EFCAB11: variants seen among roughly 807,000 people sequenced by gnomAD.
The protein encoded by EFCAB11 is EF-hand calcium binding domain 11, also known as EF-hand calcium-binding domain-containing protein 11.
In EFCAB11, 14 loss-of-function variants were observed where a neutral mutation model predicts 23.0. The observed-to-expected ratio is 0.61, with a 90% CI of 0.40 to 0.95. EFCAB11 has a LOEUF of 0.95. Among genes scored for constraint, EFCAB11 ranks in the 40% least tolerant of loss-of-function variants. The pLI is 0.00. For synonymous variants in EFCAB11, 65 were observed against 66.6 expected (o/e 0.98, Z 0.11); for missense variants, 198 against 195.8 (o/e 1.01, Z -0.07).
intron 5 of EFCAB11, among the ~76,000 whole-genome samples, chr14:89,837,718 A>C (rs1323337703): frequency 6.6e-6 from 1 of 152,154 alleles, no homozygotes; most frequent in Non-Finnish European, 1.5e-5. Flanking sequence ...GACGTGTAAG[A>C]CTATGGCCAT....
chr14:89,904,072 C>T (rs2140206575), intron 5 of EFCAB11, among the ~76,000 whole-genome samples: 1 of 152,050 alleles, frequency 6.6e-6, no homozygotes, highest in South Asian at 2.1e-4. Flanking sequence ...TGGTTTGCTG[C>T]ACCCATCAAC....
At chr14:89,909,864 C>G (rs28405824) in intron 5 of EFCAB11, among the ~76,000 whole-genome samples, 5,215 of 152,308 alleles carry the variant, frequency 0.034, 304 homozygotes, top group African/African-American at 0.12. Flanking sequence ...CTCCCTCCTT[C>G]CCTGGCTAAG....
At chr14:89,948,663 A>C (rs916535286) in intron 3 of EFCAB11, among the ~76,000 whole-genome samples, 1 of 152,260 alleles carries the variant, frequency 6.6e-6, no homozygotes, top group Non-Finnish European at 1.5e-5. Flanking sequence ...GCAATAAAAA[A>C]GAATGAGATC....
At chr14:89,820,550 C>T (rs1566771205) in intron 5 of EFCAB11, among the ~76,000 whole-genome samples, 1 of 151,726 alleles carries the variant, frequency 6.6e-6, no homozygotes, top group African/African-American at 2.4e-5. Flanking sequence ...TCTAGACAGG[C>T]GACATCACAT....
chr14:89,905,564 G>T (rs533965331), intron 5 of EFCAB11, among the ~76,000 whole-genome samples: 1 of 152,332 alleles, frequency 6.6e-6, no homozygotes, highest in African/African-American at 2.4e-5. Flanking sequence ...GGAAGGGACA[G>T]GGCTCACGGA....
intron 5 of EFCAB11, among the ~76,000 whole-genome samples, chr14:89,869,697 T>C (rs1009852959): frequency 5.3e-5 from 8 of 152,152 alleles, no homozygotes; most frequent in African/African-American, 1.9e-4. Context: ...TGGGTTGCTG[T>C]GAAGAGTAAA....
At chr14:89,867,119 T>C (rs1056184659) in intron 5 of EFCAB11, among the ~76,000 whole-genome samples, 1 of 152,206 alleles carries the variant, frequency 6.6e-6, no homozygotes, top group Non-Finnish European at 1.5e-5. Flanking sequence ...CCTGACTAGA[T>C]TATAAACTGA....
intron 5 of EFCAB11, among the ~76,000 whole-genome samples, chr14:89,842,507 G>A (rs1887298728): frequency 3.3e-5 from 5 of 152,136 alleles, no homozygotes; most frequent in Non-Finnish European, 5.9e-5. Flanking sequence ...CCCAGGAGGC[G>A]GAGGCTGCAG....
chr14:89,911,022 CT>C (rs1326111169), intron 5 of EFCAB11, among the ~76,000 whole-genome samples: 1 of 152,182 alleles, frequency 6.6e-6, no homozygotes, highest in Non-Finnish European at 1.5e-5. Flanking sequence ...AGTACACACA[CT>C]ATGGATCAGG....
At chr14:89,937,765 C>T (rs1890639395) in intron 3 of EFCAB11, among the ~76,000 whole-genome samples, 1 of 152,122 alleles carries the variant, frequency 6.6e-6, no homozygotes, top group South Asian at 2.1e-4. Flanking sequence ...ACTTTGTGAT[C>T]CGTCTGCCTC....
chr14:89,886,132 C>A (rs1334369057), intron 5 of EFCAB11, among the ~76,000 whole-genome samples: 1 of 152,104 alleles, frequency 6.6e-6, no homozygotes, highest in African/African-American at 2.4e-5. Flanking sequence ...CTGAAGGCAG[C>A]CTGTGGGCAG....
chr14:89,831,875 T>C (rs572275084), intron 5 of EFCAB11, among the ~76,000 whole-genome samples: 4 of 152,334 alleles, frequency 2.6e-5, no homozygotes, highest in East Asian at 3.9e-4. Context: ...TGAAATGAAG[T>C]AGCATTTTTT....
intron 5 of EFCAB11, among the ~76,000 whole-genome samples, chr14:89,903,015 A>G (rs1468637437): frequency 6.6e-6 from 1 of 152,242 alleles, no homozygotes. Flanking sequence ...TCTCTCAGCC[A>G]GAAAAAGGAG....
chr14:89,878,469 A>G (rs1457235821), intron 5 of EFCAB11, among the ~76,000 whole-genome samples: 1 of 152,198 alleles, frequency 6.6e-6, no homozygotes, highest in Non-Finnish European at 1.5e-5. Flanking sequence ...ATAAAGCAAC[A>G]ATCCATATCC....
chr14:89,842,923 A>T (rs1346280955), intron 5 of EFCAB11, among the ~76,000 whole-genome samples: 1 of 152,178 alleles, frequency 6.6e-6, no homozygotes, highest in Non-Finnish European at 1.5e-5. Context: ...ATCCTTTAAG[A>T]ATCAGCAGAG....
intron 3 of EFCAB11, among the ~76,000 whole-genome samples, chr14:89,945,912 ATTTTT>A (rs34765514): frequency 7.4e-6 from 1 of 135,698 alleles, no homozygotes; most frequent in African/African-American, 2.7e-5. Context: ...TTATTAGGGG[ATTTTT>A]TTTTTTTATT....
intron 5 of EFCAB11, among the ~76,000 whole-genome samples, chr14:89,880,228 C>T (rs539848457): frequency 6.6e-6 from 1 of 152,278 alleles, no homozygotes; most frequent in South Asian, 2.1e-4. Flanking sequence ...GATTGGTGCC[C>T]AAGAGGCCCC....
intron 3 of EFCAB11, among the ~76,000 whole-genome samples, chr14:89,943,122 G>A (rs1036015734): frequency 2.0e-5 from 3 of 152,086 alleles, no homozygotes; most frequent in African/African-American, 4.8e-5. Flanking sequence ...GCCCTGTTCC[G>A]AAGTAAGAAG....
chr14:89,806,917 T>A (rs1555369993), intron 5 of EFCAB11, among the ~76,000 whole-genome samples: 2 of 151,986 alleles, frequency 1.3e-5, no homozygotes, highest in East Asian at 1.9e-4. Flanking sequence ...TTTAGCCTTT[T>A]AAAAAAAAGT....
Sources: gnomAD v4.1 joint callset for allele counts (sites outside exome capture counted in the v4.1 genomes callset) on GRCh38, gnomAD v4.1.1 for gene constraint, MANE v1.5 for transcripts, NCBI Gene and HGNC (gene_info 2026-07-23, HGNC 2026-07-21) for gene names.